DACH2: variants seen among roughly 807,000 people sequenced by gnomAD.
DACH2 encodes the protein dachshund homolog 2.
A neutral mutation model predicts 35.8 loss-of-function variants in DACH2; 17 were observed. The ratio of observed to expected loss-of-function variants is 0.48; its 90% CI spans 0.33 to 0.71. The LOEUF is 0.71. DACH2 is among the 30% of genes least tolerant of loss of function. The probability of loss-of-function intolerance (pLI) is 0.02; values close to 1 mark genes in which losing one functional copy is unlikely to be tolerated. For synonymous variants in DACH2, 195 were observed against 177.3 expected (o/e 1.10, Z -0.79); for missense variants, 469 against 472.7 (o/e 0.99, Z 0.07).
chrX:86,782,764 G>A (rs2042100680), intron 7 of DACH2, among the ~76,000 whole-genome samples: 1 of 111,490 alleles, frequency 9.0e-6, no homozygotes, highest in South Asian at 3.7e-4. Flanking sequence ...AGATCAAAAT[G>A]GATTGAAAGA....
In DACH2 at chrX:86,832,308, C is replaced by T. The variant is rs760986484; in HGVS notation, c.*153C>T. ...TCTATGTTACATTAAAAAAGAAACG[C>T]GTGTACATTTTAAAAGCAATGATGT... On this transcript the variant is annotated 3_prime_UTR_variant, in exon 12 of 12. Coordinates refer to ENST00000373125, the MANE Select transcript of DACH2 (RefSeq NM_053281.3). The T allele has an allele frequency of 4.4e-5, 20 of 455,108 alleles. No individual in the cohort carries two copies. The highest frequency in any genetic ancestry group is 1.1e-4 in the South Asian group (3 of 26,332). 37.5% of individuals were successfully genotyped at this position (455,108 alleles called of 1,213,427 possible).
intron 9 of DACH2, among the ~76,000 whole-genome samples, chrX:86,813,773 G>T (rs143273504): frequency 0.13 from 14,624 of 110,273 alleles, 886 homozygotes; most frequent in South Asian, 0.4. Flanking sequence ...TTGGTCTTCA[G>T]GCTTTGTTCA....
rs142791582 is a variant in DACH2, at chrX:86,191,980, T to C, written c.488+42872T>C. ...CAAACCTTAAAAAATCTTTACTGAT[T>C]AGTCTTATTCAACTTTAGTTCCTCT... is the stretch of plus-strand genomic sequence containing the variant. On this transcript the variant is annotated intron_variant, in intron 1 of 11. Transcript: ENST00000373125. Among the ~76,000 whole-genome samples, 614 of 111,607 alleles carry C rather than the reference T, an allele frequency of 5.5e-3. 5 individuals carry two copies. The highest frequency in any genetic ancestry group is 0.018 in the African/African-American group (556 of 30,737).
At chrX:86,277,481 CTT>C (rs1425590722) in intron 1 of DACH2, among the ~76,000 whole-genome samples, 2 of 111,787 alleles carry the variant, frequency 1.8e-5, no homozygotes, top group Admixed American at 1.9e-4. Flanking sequence ...TTGCTAATGA[CTT>C]ATTACTTGCT....
intron 2 of DACH2, among the ~76,000 whole-genome samples, chrX:86,387,630 C>A (rs1424872261): frequency 8.1e-5 from 9 of 111,754 alleles, no homozygotes; most frequent in Admixed American, 7.6e-4. Context: ...TATAAGAATT[C>A]TTTGAAAATG....
chrX:86,682,951 T>C lies in DACH2; in HGVS notation c.773-12070T>C, dbSNP rs1007452477. On this transcript the variant is annotated intron_variant, in intron 4 of 11. Coordinates refer to ENST00000373125, the MANE Select transcript of DACH2 (RefSeq NM_053281.3). ...TCAGCTTAACAAACATGTTTCTTTC[T>C]CTTTGTATTTTTATTTCAGGCTCTG... Among the ~76,000 whole-genome samples the C allele has an allele frequency of 2.7e-5, 3 of 111,891 alleles. No individual in the cohort carries two copies. The South Asian group carries it at 1.1e-3, about 41-fold the overall frequency.
At chrX:86,489,088 G>A (rs923466854) in intron 2 of DACH2, among the ~76,000 whole-genome samples, 13 of 111,284 alleles carry the variant, frequency 1.2e-4, no homozygotes, top group Admixed American at 4.8e-4. Context: ...TTGAATCTGC[G>A]TAGAATTGAA....
intron 3 of DACH2, among the ~76,000 whole-genome samples, chrX:86,579,223 G>T (rs1170485065): frequency 3.6e-5 from 4 of 110,053 alleles, no homozygotes; most frequent in Non-Finnish European, 7.6e-5. Flanking sequence ...CTCCCTGGTA[G>T]CTGGGATTAC....
At chrX:86,826,999 A>T (rs991602119) in intron 11 of DACH2, among the ~76,000 whole-genome samples, 1 of 112,196 alleles carries the variant, frequency 8.9e-6, no homozygotes, top group African/African-American at 3.2e-5. Flanking sequence ...TTGATAGCCT[A>T]AAGTACACCT....
At chrX:86,149,404 C>A in intron 1 of DACH2, among the ~76,000 whole-genome samples, 1 of 111,947 alleles carries the variant, frequency 8.9e-6, no homozygotes, top group Non-Finnish European at 1.9e-5. Context: ...TTTGGCTGTT[C>A]GTGGTTATTT....
chrX:86,251,731 C>T (rs1311710232), intron 1 of DACH2, among the ~76,000 whole-genome samples: 1 of 111,482 alleles, frequency 9.0e-6, no homozygotes, highest in Non-Finnish European at 1.9e-5. Context: ...TGTCTTTATC[C>T]ACTCGTTGAT....
At chrX:86,358,256 A>T (rs1275543081) in intron 1 of DACH2, among the ~76,000 whole-genome samples, 1 of 111,811 alleles carries the variant, frequency 8.9e-6, no homozygotes, top group African/African-American at 3.2e-5. Context: ...GAGATAGAAA[A>T]AAATCAGTTT....
At chrX:86,274,606 C>T (rs967336718) in intron 1 of DACH2, among the ~76,000 whole-genome samples, 3 of 105,368 alleles carry the variant, frequency 2.8e-5, no homozygotes, top group East Asian at 3.0e-4. Context: ...GCCATTCTCC[C>T]GCCTCAGCCT....
At chrX:86,804,171 G>C (rs954939978) in intron 7 of DACH2, among the ~76,000 whole-genome samples, 1 of 111,748 alleles carries the variant, frequency 8.9e-6, no homozygotes, top group East Asian at 2.8e-4. Flanking sequence ...ATTGGATAAT[G>C]GTTCTTCAGG....
chrX:86,222,962 A>C (rs1034180764), intron 1 of DACH2, among the ~76,000 whole-genome samples: 2 of 111,814 alleles, frequency 1.8e-5, no homozygotes, highest in Non-Finnish European at 1.9e-5. Flanking sequence ...AAAAAGGAGT[A>C]TGTGTGAAAG....
At chrX:86,654,135 C>T (rs1373238857) in intron 4 of DACH2, among the ~76,000 whole-genome samples, 1 of 91,089 alleles carries the variant, frequency 1.1e-5, no homozygotes, top group Non-Finnish European at 2.1e-5. Flanking sequence ...GAGCCGTGCA[C>T]ATGAACTGCT....
chrX:86,711,477 G>C (rs2041279256), intron 5 of DACH2, among the ~76,000 whole-genome samples: 1 of 112,347 alleles, frequency 8.9e-6, no homozygotes, highest in African/African-American at 3.2e-5. Context: ...AATAGGAAAA[G>C]AGATAACCCA....
At chrX:86,409,697 G>A (rs912348452) in intron 2 of DACH2, among the ~76,000 whole-genome samples, 17 of 111,373 alleles carry the variant, frequency 1.5e-4, no homozygotes, top group Admixed American at 7.7e-4. Flanking sequence ...AACCTTTTTC[G>A]TTTATAAATT....
intron 7 of DACH2, among the ~76,000 whole-genome samples, chrX:86,795,068 C>A (rs973047831): frequency 2.7e-5 from 3 of 110,769 alleles, no homozygotes; most frequent in Admixed American, 9.6e-5. Flanking sequence ...TAGCCATTCA[C>A]ACTGGAAAAA....
Sources: gnomAD v4.1 joint callset for allele counts (sites outside exome capture counted in the v4.1 genomes callset) on GRCh38, gnomAD v4.1.1 for gene constraint, MANE v1.5 for transcripts, NCBI Gene and HGNC (gene_info 2026-07-23, HGNC 2026-07-21) for gene names.